Variants in CBLN2 observed in about 807,000 individuals in gnomAD.
CBLN2 encodes the protein cerebellin-2.
In CBLN2, 7 loss-of-function variants were observed where a neutral mutation model predicts 15.0. The observed-to-expected ratio is 0.47, with a 90% CI of 0.27 to 0.88. The LOEUF (loss-of-function observed/expected upper bound fraction) is 0.88. Among genes scored for constraint, CBLN2 ranks in the 40% least tolerant of loss-of-function variants. The probability of loss-of-function intolerance (pLI) is 0.14; values close to 1 mark genes in which losing one functional copy is unlikely to be tolerated. For missense variants in CBLN2, 242 were observed against 304.5 expected (o/e 0.79, Z 1.53); for synonymous variants, 149 against 135.2 (o/e 1.10, Z -0.71).
At chr18:72,636,340 C>A (rs1251633297) in intron 1 of CBLN2, among the ~76,000 whole-genome samples, 2 of 152,120 alleles carry the variant, frequency 1.3e-5, no homozygotes, top group Non-Finnish European at 2.9e-5. Context: ...TAGCAAGTCA[C>A]AACACGGTAA....
chr18:72,631,178 T>G (rs1599031587), intron 1 of CBLN2: 1 of 152,160 alleles, frequency 6.6e-6, no homozygotes, highest in Admixed American at 6.6e-5. Flanking sequence ...GCATTTTTGT[T>G]GCCTAGCAAC....
chr18:72,554,631 TAA>T (rs546144256), intron 1 of CBLN2, among the ~76,000 whole-genome samples: 1 of 133,696 alleles, frequency 7.5e-6, no homozygotes, highest in Admixed American at 7.4e-5. Context: ...TAACACAAAG[TAA>T]AAAAAAAAAA....
intron 1 of CBLN2, among the ~76,000 whole-genome samples, chr18:72,627,030 G>A (rs1239398639): frequency 6.6e-6 from 1 of 152,134 alleles, no homozygotes; most frequent in East Asian, 1.9e-4. Context: ...ATTTTTGTGA[G>A]ACATCCATAT....
intron 1 of CBLN2, among the ~76,000 whole-genome samples, chr18:72,576,443 G>A (rs1183589655): frequency 2.0e-5 from 3 of 152,068 alleles, no homozygotes; most frequent in Non-Finnish European, 2.9e-5. Context: ...ATATCATAAT[G>A]AAAACAGATA....
intron 1 of CBLN2, among the ~76,000 whole-genome samples, chr18:72,615,209 T>A (rs1227218638): frequency 7.3e-6 from 1 of 137,646 alleles, no homozygotes; most frequent in East Asian, 2.0e-4. Context: ...TATTTATATA[T>A]GTGTATATAT....
At chr18:72,583,196 T>C (rs1478011171) in intron 1 of CBLN2, among the ~76,000 whole-genome samples, 1 of 152,168 alleles carries the variant, frequency 6.6e-6, no homozygotes, top group African/African-American at 2.4e-5. Context: ...AAACCACATA[T>C]GTTCACCTGA....
chr18:72,611,766 C>A (rs1280188781), intron 1 of CBLN2, among the ~76,000 whole-genome samples: 1 of 152,050 alleles, frequency 6.6e-6, no homozygotes, highest in Non-Finnish European at 1.5e-5. Flanking sequence ...ACTTTCCAAT[C>A]TTTGTTTTTG....
intron 1 of CBLN2, among the ~76,000 whole-genome samples, chr18:72,592,972 G>T (rs567093054): frequency 1.3e-5 from 2 of 151,906 alleles, no homozygotes; most frequent in South Asian, 2.1e-4. Flanking sequence ...GTCTATTATG[G>T]GTCTTTTGTG....
chr18:72,614,754 T>A (rs2069645567), intron 1 of CBLN2, among the ~76,000 whole-genome samples: 1 of 152,074 alleles, frequency 6.6e-6, no homozygotes, highest in Non-Finnish European at 1.5e-5. Flanking sequence ...AGTGTATTAT[T>A]AAATTCATTC....
chr18:72,545,002 A>G (rs2069148271), upstream of CBLN2, among the ~76,000 whole-genome samples: 1 of 151,488 alleles, frequency 6.6e-6, no homozygotes, highest in African/African-American at 2.4e-5. Flanking sequence ...TAATAATAAT[A>G]AAGTTAGCCA....
intron 1 of CBLN2, among the ~76,000 whole-genome samples, chr18:72,559,657 C>T (rs2069247769): frequency 6.6e-6 from 1 of 152,214 alleles, no homozygotes; most frequent in Non-Finnish European, 1.5e-5. Flanking sequence ...TCATTGCCAG[C>T]CGGTGGCCGG....
intron 1 of CBLN2, among the ~76,000 whole-genome samples, chr18:72,637,173 A>G (rs1372897121): frequency 6.6e-6 from 1 of 151,664 alleles, no homozygotes; most frequent in Non-Finnish European, 1.5e-5. Flanking sequence ...AAACAATTGT[A>G]TTGTATTTTC....
In CBLN2 at chr18:72,538,734, G is replaced by C. The variant is rs1274780242; in HGVS notation, c.396C>G (p.Ser132=). 2 of 1,613,736 alleles carry C rather than the reference G, an allele frequency of 1.2e-6. No homozygotes were observed. Among genetic ancestry groups the C allele is most frequent in the Admixed American group, 3.3e-5 (2 of 60,008 alleles). Residue 132 remains serine (S), a synonymous_variant, in exon 4 of 5, where the codon TCC becomes TCG. Coordinates refer to ENST00000269503, the MANE Select transcript of CBLN2 (RefSeq NM_182511.4). ...CTTTTCTCGGTGCTACAAATATACT[G>C]GAAGCAAGATCAAAGTGGTTGCCAA... is the stretch of plus-strand genomic sequence containing the variant. ...VNIGNHFDLA[S]SIFVAPRKGI... is the part of the protein sequence containing the mutation.
intron 1 of CBLN2, among the ~76,000 whole-genome samples, chr18:72,597,146 T>C (rs992987473): frequency 1.2e-4 from 18 of 152,214 alleles, no homozygotes; most frequent in African/African-American, 4.3e-4. Flanking sequence ...CTTTGCAACC[T>C]GGGCTTGTCG....
rs186940153 is a variant in CBLN2, at chr18:72,578,224, A to C, written c.16-39452T>G. Among the ~76,000 whole-genome samples, 30 of 152,368 alleles carry C rather than the reference A, an allele frequency of 2.0e-4. 1 individual carries two copies. The South Asian group carries it at 2.3e-3, about 12-fold the overall frequency. Reference sequence around the variant, plus strand: ...AAAATTTAATTAGCAAAGTTTTCATACAAGTGTTACCATTTTAACAATTCC... The same window carrying C: ...AAAATTTAATTAGCAAAGTTTTCATCCAAGTGTTACCATTTTAACAATTCC... On this transcript the variant is annotated intron_variant, in intron 1 of 2. Coordinates refer to the CBLN2 transcript ENST00000581073.
At chr18:72,540,471 G>A (rs1432228550) in intron 3 of CBLN2, among the ~76,000 whole-genome samples, 1 of 152,086 alleles carries the variant, frequency 6.6e-6, no homozygotes, top group Non-Finnish European at 1.5e-5. Flanking sequence ...TGCAAAGGTG[G>A]ATATAAAAAT....
chr18:72,562,115 C>T (rs945512867), intron 1 of CBLN2, among the ~76,000 whole-genome samples: 13 of 152,122 alleles, frequency 8.5e-5, no homozygotes, highest in African/African-American at 3.1e-4. Context: ...ACGTTTGGGA[C>T]TTCATTTACA....
At chr18:72,573,620 C>G (rs2069345660) in intron 1 of CBLN2, among the ~76,000 whole-genome samples, 1 of 152,182 alleles carries the variant, frequency 6.6e-6, no homozygotes, top group African/African-American at 2.4e-5. Context: ...TTCCTGGCTT[C>G]ATAGATCATT....
At chr18:72,541,200 GTATATATTTCATTTAC>G (rs1276974056) in intron 3 of CBLN2, among the ~76,000 whole-genome samples, 1 of 151,650 alleles carries the variant, frequency 6.6e-6, no homozygotes, top group Non-Finnish European at 1.5e-5. Context: ...TTTGCTTATG[GTATATATTTCATTTAC>G]TATATATTTT....
Sources: gnomAD v4.1 joint callset for allele counts (sites outside exome capture counted in the v4.1 genomes callset) on GRCh38, gnomAD v4.1.1 for gene constraint, MANE v1.5 for transcripts, NCBI Gene and HGNC (gene_info 2026-07-23, HGNC 2026-07-21) for gene names.